DHX32: variants seen among roughly 807,000 people sequenced by gnomAD.
DHX32 encodes the protein putative pre-mRNA-splicing factor ATP-dependent RNA helicase DHX32.
Under a neutral mutation model 70.0 loss-of-function variants are expected in DHX32, and 51 were observed. The ratio of observed to expected loss-of-function variants is 0.73; its 90% CI spans 0.58 to 0.92. The LOEUF (loss-of-function observed/expected upper bound fraction) is 0.92. Ranked by LOEUF, DHX32 falls within the 40% of genes least tolerant of loss-of-function variation. The pLI is 0.00. For synonymous variants in DHX32, 310 were observed against 315.3 expected (o/e 0.98, Z 0.18); for missense variants, 762 against 891.8 (o/e 0.85, Z 1.85).
At chr10:125,855,447 T>G (rs1589710880) in intron 3 of DHX32, among the ~76,000 whole-genome samples, 1 of 145,148 alleles carries the variant, frequency 6.9e-6, no homozygotes, top group East Asian at 2.0e-4. Flanking sequence ...CAAGATAAAC[T>G]GTTTTTTTTT....
chr10:125,881,633 T>C (rs990761744), upstream of DHX32, among the ~76,000 whole-genome samples: 5 of 152,216 alleles, frequency 3.3e-5, no homozygotes, highest in African/African-American at 1.2e-4. Flanking sequence ...TATGTAGTTA[T>C]GGTTGGCTTT....
At chr10:125,838,926 G>A (rs1344058076) in intron 9 of DHX32, 75 bp downstream of exon 9, 2 of 1,427,630 alleles carry the variant, frequency 1.4e-6, no homozygotes, top group Non-Finnish European at 1.9e-6. Context: ...ATCATCCTAA[G>A]CCATTGTTGG....
Position 125,852,691 on chromosome 10 carries a change from G to GT in DHX32, c.1093-50dup, listed in dbSNP as rs758759796. On this transcript the variant is annotated intron_variant, in intron 4 of 10. Transcript: ENST00000284690. ...TTAGCGTCAGATAAGTCATGATTCAGTAGGCTCACTGATCCTGAAGAGAAT... is the reference window on the plus strand; with the variant it reads ...TTAGCGTCAGATAAGTCATGATTCAGTTAGGCTCACTGATCCTGAAGAGAAT... 9 of 1,511,512 alleles carry GT rather than the reference G, an allele frequency of 6.0e-6. No homozygotes were observed. In the East Asian group the frequency reaches 1.8e-4, roughly 30 times the overall value. The allele number at this position is 1,511,512 out of a possible 1,614,324, so 93.6% of individuals were successfully genotyped here.
In DHX32 at chr10:125,876,928, C is replaced by T. The variant is rs78602840; in HGVS notation, c.282+3615G>A. 8.3e-4 allele frequency among the ~76,000 whole-genome samples: 126 copies of T among 152,172 alleles called. No individual in the cohort carries two copies. In the East Asian group the frequency reaches 0.011, roughly 13 times the overall value. ...ATTCCAGATTTTGATAATTATGTTA[C>T]GGCTACACACTGTTTTTCAGTAAAT... On this transcript the variant is annotated intron_variant, in intron 1 of 10. Transcript: ENST00000284690.
At chr10:125,857,043 G>A (rs894582873) in intron 3 of DHX32, among the ~76,000 whole-genome samples, 7 of 152,248 alleles carry the variant, frequency 4.6e-5, no homozygotes, top group Admixed American at 6.5e-5. Flanking sequence ...TAAGTGCTAC[G>A]GTAGGTTTTA....
intron 2 of DHX32, among the ~76,000 whole-genome samples, chr10:125,862,450 C>G (rs1304678204): frequency 6.8e-6 from 1 of 147,506 alleles, no homozygotes; most frequent in Non-Finnish European, 1.5e-5. Flanking sequence ...TTTTTTTTTG[C>G]TGAGGCTAAT....
intron 3 of DHX32, among the ~76,000 whole-genome samples, chr10:125,858,286 A>C (rs898537810): frequency 6.6e-6 from 1 of 152,166 alleles, no homozygotes; most frequent in South Asian, 2.1e-4. Flanking sequence ...ATCTGTTTAC[A>C]CTGAGAACCT....
At position 125,854,209 on chromosome 10, in the gene DHX32, GAAAA is replaced by G. The variant is rs749074303; in HGVS notation, c.850-10_850-7del. 6.6e-7 allele frequency: 1 copy of G among 1,510,556 alleles called. No individual in the cohort carries two copies. Among genetic ancestry groups the G allele is most frequent in the South Asian group, 1.3e-5 (1 of 75,626 alleles). The allele number at this position is 1,510,556 out of a possible 1,614,324, so 93.6% of individuals were successfully genotyped here. ...TCACAGACTTTCTCAATATCCTAAAGAAAAAAAAACCCATGAAAATAAAATACAA... is the reference window on the plus strand; with the variant it reads ...TCACAGACTTTCTCAATATCCTAAAGAAAAACCCATGAAAATAAAATACAA... On this transcript the variant is annotated splice_region_variant and splice_polypyrimidine_tract_variant and intron_variant, in intron 3 of 10. Coordinates refer to ENST00000284690, the MANE Select transcript of DHX32 (RefSeq NM_018180.3).
chr10:125,880,926 G>A lies in DHX32; in HGVS notation c.-102C>T, dbSNP rs753691663. The stretch of plus-strand genomic sequence containing the variant: ...CTTAAAAGCCTATTTATACAAACCC[G>A]TATGTTCCAATCTCTAAGACTTCAG... On this transcript the variant is annotated 5_prime_UTR_variant, in exon 1 of 11. In the 5' UTR this introduces an upstream ATG that the reference lacks. Coordinates refer to ENST00000284690, the MANE Select transcript of DHX32 (RefSeq NM_018180.3). 37 of 1,351,534 alleles carry A rather than the reference G, an allele frequency of 2.7e-5. No homozygotes were observed. The highest frequency in any genetic ancestry group is 3.0e-5 in the Non-Finnish European group (30 of 992,152). 83.7% of individuals were successfully genotyped at this position (1,351,534 alleles called of 1,614,324 possible).
At chr10:125,858,126 C>T (rs1255247989) in intron 3 of DHX32, among the ~76,000 whole-genome samples, 1 of 152,026 alleles carries the variant, frequency 6.6e-6, no homozygotes, top group African/African-American at 2.4e-5. Flanking sequence ...GTCTCAACCT[C>T]CTGGCCTCAC....
rs141537719 is a variant in DHX32, at chr10:125,860,667, C to G, written c.477-692G>C. 3.5e-3 allele frequency among the ~76,000 whole-genome samples: 528 copies of G among 151,890 alleles called. 3 individuals are homozygous for G. The highest frequency in any genetic ancestry group is 0.012 in the African/African-American group (510 of 41,402). On this transcript the variant is annotated intron_variant, in intron 2 of 10. Transcript: ENST00000284690. ...TGATTTTTTAAAATTAAAATAACCA[C>G]CTATTAGTCACTAAGCTTAATGAAA...
chr10:125,888,039 G>C (rs1944349364), intron 1 of DHX32, among the ~76,000 whole-genome samples: 1 of 152,006 alleles, frequency 6.6e-6, no homozygotes, highest in Non-Finnish European at 1.5e-5. Context: ...CAGTAAATTA[G>C]TCTGCAAAAA....
chr10:125,840,448 G>A (rs1027678010), intron 8 of DHX32, among the ~76,000 whole-genome samples: 5 of 152,248 alleles, frequency 3.3e-5, no homozygotes, highest in East Asian at 1.9e-4. Context: ...CTGCATGCAC[G>A]TGGTGAATGT....
At chr10:125,848,427 T>G (rs1339201955) in intron 6 of DHX32, among the ~76,000 whole-genome samples, 1 of 152,218 alleles carries the variant, frequency 6.6e-6, no homozygotes, top group Non-Finnish European at 1.5e-5. Context: ...TACCCTAATT[T>G]TACAGATGAG....
chr10:125,852,692 T>TG, intron 4 of DHX32, 50 bp from the exon 5 acceptor site: 1 of 1,504,300 alleles, frequency 6.6e-7, no homozygotes, highest in Non-Finnish European at 9.0e-7. Flanking sequence ...CATGATTCAG[T>TG]AGGCTCACTG....
At chr10:125,856,854 G>C (rs573453279) in intron 3 of DHX32, among the ~76,000 whole-genome samples, 1 of 152,256 alleles carries the variant, frequency 6.6e-6, no homozygotes, top group South Asian at 2.1e-4. Flanking sequence ...TACTTTGAAG[G>C]CTGAAGAGGT....
chr10:125,888,059 C>A (rs1250972359), intron 1 of DHX32, among the ~76,000 whole-genome samples: 1 of 152,126 alleles, frequency 6.6e-6, no homozygotes, highest in Admixed American at 6.5e-5. Flanking sequence ...ATAAATCTGT[C>A]TCATGATCTG....
rs190323480 is a variant in DHX32, at chr10:125,843,204, G to A, written c.1352-1270C>T. Among the ~76,000 whole-genome samples the A allele has an allele frequency of 2.4e-3, 362 of 152,174 alleles. 1 individual carries two copies. The highest frequency in any genetic ancestry group is 4.2e-3 in the Non-Finnish European group (286 of 67,998). On this transcript the variant is annotated intron_variant, in intron 6 of 10. Coordinates refer to ENST00000284690, the MANE Select transcript of DHX32 (RefSeq NM_018180.3). ...TTTAGTTCCAGTAAGTGCAAGGTGG[G>A]CAGGGGCTGAAGACTCTGGGGCCCT...
intron 6 of DHX32, 54 bp downstream of exon 6, chr10:125,852,239 A>C (rs1944100172): frequency 1.3e-6 from 2 of 1,593,482 alleles, no homozygotes; most frequent in East Asian, 4.5e-5. Flanking sequence ...GAGAATGGGC[A>C]GGAGAAGGTG....
Sources: gnomAD v4.1 joint callset for allele counts (sites outside exome capture counted in the v4.1 genomes callset) on GRCh38, gnomAD v4.1.1 for gene constraint, MANE v1.5 for transcripts, NCBI Gene and HGNC (gene_info 2026-07-23, HGNC 2026-07-21) for gene names.